ELN: variants seen among roughly 807,000 people sequenced by gnomAD.
The protein encoded by ELN is elastin.
A neutral mutation model predicts 105.8 loss-of-function variants in ELN; 65 were observed. That is an observed-to-expected ratio of 0.61 (90% confidence interval 0.50 to 0.75). The LOEUF is 0.75. ELN is among the 30% of genes least tolerant of loss of function. ELN has a pLI of 0.00. For missense variants in ELN, 882 were observed against 969.4 expected (o/e 0.91, Z 1.20); for synonymous variants, 368 against 389.2 (o/e 0.95, Z 0.64).
chr7:74,046,241 G>A, intron 11 of ELN, 24 bp downstream of exon 11: 1 of 1,614,134 alleles, frequency 6.2e-7, no homozygotes, highest in Non-Finnish European at 8.5e-7. Context: ...GGTGGGAGAA[G>A]CAGGGTGGCC....
intron 1 of ELN, among the ~76,000 whole-genome samples, chr7:74,028,784 G>T (rs965405027): frequency 6.6e-6 from 1 of 152,200 alleles, no homozygotes; most frequent in South Asian, 2.1e-4. Flanking sequence ...TCAGGGCTCC[G>T]CTGAGGATGG....
In ELN at chr7:74,028,193, G is replaced by T; in HGVS notation, c.6G>T (p.Ala2=). 1 of 1,611,344 alleles carries T rather than the reference G, an allele frequency of 6.2e-7. No homozygotes were observed. The change falls in exon 1 of 33, where the codon GCG becomes GCT. Residue 2 remains alanine, a synonymous_variant. Coordinates refer to ENST00000252034, the MANE Select transcript of ELN (RefSeq NM_000501.4). M[A]GLTAAAPRPG... ...CTGGGGCATTTCTCCCCGAGATGGC[G>T]GGTCTGACGGCGGCGGCCCCGCGGC... is the stretch of plus-strand genomic sequence containing the variant.
chr7:74,037,532 G>A (rs942994611), intron 3 of ELN, among the ~76,000 whole-genome samples, 175 bp from the exon 4 acceptor site: 3 of 152,180 alleles, frequency 2.0e-5, no homozygotes, highest in Non-Finnish European at 4.4e-5. Context: ...GGGACTCAGA[G>A]AGTATAAACC....
At chr7:74,065,259 A>C (rs1483872243) in intron 29 of ELN, among the ~76,000 whole-genome samples, 2 of 151,180 alleles carry the variant, frequency 1.3e-5, no homozygotes, top group Non-Finnish European at 2.9e-5. Context: ...GATGAAGGAG[A>C]GATGGGGGGA....
intron 1 of ELN, among the ~76,000 whole-genome samples, chr7:74,030,379 G>C (rs999757687): frequency 6.6e-6 from 1 of 152,068 alleles, no homozygotes. Flanking sequence ...GGGACAAGCC[G>C]CACAGCTCCC....
At position 74,045,292 on chromosome 7, in the gene ELN, A is replaced by C. The variant is rs145778002; in HGVS notation, c.540A>C (p.Pro180=). ...PTGAGVKPKA[P]GVGGAFAGIP... is the part of the protein sequence containing the mutation. ...GAGCAGGAGTTAAGCCCAAGGCTCC[A>C]GGTATGCAGCTGTCTGGACAGAGGG... is the stretch of plus-strand genomic sequence containing the variant. Residue 180 remains proline (P), a splice_region_variant and synonymous_variant, in exon 10 of 33, where the codon CCA becomes CCC. Transcript: ENST00000252034. 2.0e-5 allele frequency: 33 copies of C among 1,613,928 alleles called. No individual in the cohort carries two copies. Among genetic ancestry groups the C allele is most frequent in the Non-Finnish European group, 2.6e-5 (31 of 1,180,036 alleles).
chr7:74,041,937 A>T (rs1248899533), intron 5 of ELN, among the ~76,000 whole-genome samples: 4 of 151,694 alleles, frequency 2.6e-5, no homozygotes, highest in African/African-American at 9.7e-5. Flanking sequence ...ACGGGGTTTC[A>T]CCATGTTGGC....
At chr7:74,056,006 C>T (rs1795147051) in intron 19 of ELN, among the ~76,000 whole-genome samples, 1 of 151,810 alleles carries the variant, frequency 6.6e-6, no homozygotes, top group Admixed American at 6.6e-5. Flanking sequence ...AGGCTGGTCT[C>T]GAACTCCTGA....
chr7:74,049,296 A>G (rs1554674507), intron 15 of ELN, among the ~76,000 whole-genome samples: 1 of 145,830 alleles, frequency 6.9e-6, no homozygotes, highest in South Asian at 2.2e-4. Flanking sequence ...CCATCCATCA[A>G]TCCCTCCCTC....
intron 2 of ELN, among the ~76,000 whole-genome samples, 199 bp from the exon 3 acceptor site, chr7:74,036,356 A>G (rs1031891624): frequency 6.6e-6 from 1 of 151,986 alleles, no homozygotes; most frequent in African/African-American, 2.4e-5. Flanking sequence ...AAGTGGGGAG[A>G]GACGCCAGCA....
Position 74,056,733 on chromosome 7 carries a change from C to G in ELN, c.1357+20C>G. The G allele has an allele frequency of 1.9e-6, 3 of 1,613,732 alleles. No individual in the cohort carries two copies. Among genetic ancestry groups the G allele is most frequent in the East Asian group, 2.2e-5 (1 of 44,868 alleles). ...AGTACGGTAAGTGCCCCTGCCCTGC[C>G]TGTCCCCAAGTCCTGCTCTCCCGCG... On this transcript the variant is annotated intron_variant, in intron 21 of 32. Transcript: ENST00000252034.
Position 74,046,168 on chromosome 7 carries a change from A to T in ELN, c.542-20A>T. 1 of 1,614,216 alleles carries T rather than the reference A, an allele frequency of 6.2e-7. No homozygotes were observed. The highest frequency in any genetic ancestry group is 8.5e-7 in the Non-Finnish European group (1 of 1,180,032). On this transcript the variant is annotated intron_variant, in intron 10 of 32. Transcript: ENST00000252034. ...TGTCCACAGTTCCAGGGCTGTAGTGACAGCTTTTTATCATTACAGGTGTAG... is the reference window on the plus strand; with the variant it reads ...TGTCCACAGTTCCAGGGCTGTAGTGTCAGCTTTTTATCATTACAGGTGTAG...
intron 17 of ELN, chr7:74,052,785 A>G: frequency 4.4e-6 from 1 of 229,116 alleles, no homozygotes; most frequent in Non-Finnish European, 8.6e-6. Context: ...GAGAAAGAGA[A>G]AGAAAGAAAG....
intron 1 of ELN, among the ~76,000 whole-genome samples, chr7:74,031,593 A>G (rs928977855): frequency 6.6e-6 from 1 of 152,012 alleles, no homozygotes; most frequent in Admixed American, 6.6e-5. Flanking sequence ...GCTTCCCAGC[A>G]GAAGTGACAT....
At chr7:74,045,977 G>T in intron 10 of ELN, 1 of 615,970 alleles carries the variant, frequency 1.6e-6, no homozygotes, top group Non-Finnish European at 2.8e-6. Context: ...AGAGGTTGCG[G>T]TGAGTTGAGA....
At chr7:74,036,777 G>A (rs781984333) in intron 3 of ELN, among the ~76,000 whole-genome samples, 193 bp downstream of exon 3, 9 of 152,170 alleles carry the variant, frequency 5.9e-5, no homozygotes, top group Non-Finnish European at 1.2e-4. Context: ...CCCTCCCCTA[G>A]ACTTTATGTC....
intron 17 of ELN, chr7:74,052,436 T>C (rs1794244093): frequency 4.5e-6 from 1 of 220,530 alleles, no homozygotes; most frequent in African/African-American, 2.3e-5. Context: ...TATTTAAAAA[T>C]TATCTAGGCA....
intron 15 of ELN, among the ~76,000 whole-genome samples, chr7:74,049,846 A>G (rs1243236551): frequency 6.7e-6 from 1 of 148,434 alleles, no homozygotes; most frequent in Non-Finnish European, 1.5e-5. Flanking sequence ...CCATCCATTC[A>G]TCCATCCACT....
chr7:74,059,977 CGTGGCTCCTGGAGTTGGT>C lies in ELN; in HGVS notation c.1518_1535del (p.Val513_Gly518del). 1 of 1,612,780 alleles carries C rather than the reference CGTGGCTCCTGGAGTTGGT, an allele frequency of 6.2e-7. No homozygotes were observed. Reference sequence around the variant, plus strand: ...GAGTTGGCTTGGCTCCTGGAGTTGGCGTGGCTCCTGGAGTTGGTGTGGCTCCTGGCGTTGGCGTGGCTC... The same window carrying C: ...GAGTTGGCTTGGCTCCTGGAGTTGGCGTGGCTCCTGGCGTTGGCGTGGCTC... On this transcript the variant is annotated inframe_deletion, in exon 23 of 33. Coordinates refer to ENST00000252034, the MANE Select transcript of ELN (RefSeq NM_000501.4).
Sources: allele counts gnomAD v4.1 joint callset (sites outside exome capture counted in the v4.1 genomes callset), GRCh38; gene constraint gnomAD v4.1.1; transcripts MANE v1.5; gene names NCBI Gene and HGNC (gene_info 2026-07-23, HGNC 2026-07-21).